DNAH10: variants seen among roughly 807,000 people sequenced by gnomAD.
The protein encoded by DNAH10 is dynein axonemal heavy chain 10.
A neutral mutation model predicts 506.6 loss-of-function variants in DNAH10; 348 were observed. The ratio of observed to expected loss-of-function variants is 0.69; its 90% confidence interval spans 0.63 to 0.75. The LOEUF (loss-of-function observed/expected upper bound fraction) is 0.75, where lower values mean the gene tolerates loss of function less well. Ranked by LOEUF, DNAH10 falls within the 30% of genes least tolerant of loss-of-function variation. The pLI, the probability that DNAH10 is intolerant of heterozygous loss-of-function variation, is 0.00. For missense variants in DNAH10, 5,179 were observed against 5,787.1 expected (o/e 0.89, Z 3.41); for synonymous variants, 2,059 against 2,198.6 (o/e 0.94, Z 1.78).
chr12:123,863,389 A>C (rs1201234987), intron 39 of DNAH10, among the ~76,000 whole-genome samples: 2 of 152,282 alleles, frequency 1.3e-5, no homozygotes, highest in Middle Eastern at 3.4e-3. Flanking sequence ...AGCAAATTAC[A>C]TGGTGGTGTT....
intron 30 of DNAH10, among the ~76,000 whole-genome samples, chr12:123,843,199 G>T (rs1051151601): frequency 3.7e-4 from 57 of 152,304 alleles, no homozygotes; most frequent in African/African-American, 1.3e-3. Flanking sequence ...ACGTGAACTT[G>T]TTGCTTCCAA....
intron 76 of DNAH10, among the ~76,000 whole-genome samples, chr12:123,933,036 CT>C (rs1955293103): frequency 6.6e-6 from 1 of 152,172 alleles, no homozygotes. Context: ...ACCTACAAGG[CT>C]TTTCTTTTTT....
intron 1 of DNAH10, among the ~76,000 whole-genome samples, chr12:123,765,925 A>G (rs1425751243): frequency 2.6e-5 from 4 of 151,434 alleles, no homozygotes; most frequent in African/African-American, 9.7e-5. Flanking sequence ...TCTATTATCT[A>G]CGTGCCAACT....
At chr12:123,795,894 A>G (rs1033004482) in intron 12 of DNAH10, among the ~76,000 whole-genome samples, 2 of 152,214 alleles carry the variant, frequency 1.3e-5, no homozygotes, top group African/African-American at 4.8e-5. Context: ...AACACAAAGG[A>G]TAAGTGCTTG....
intron 18 of DNAH10, among the ~76,000 whole-genome samples, chr12:123,808,506 T>A (rs529493732): frequency 6.6e-6 from 1 of 152,276 alleles, no homozygotes; most frequent in South Asian, 2.1e-4. Flanking sequence ...GGGATGTGAG[T>A]GCTCCTTTTT....
chr12:123,880,475 G>T (rs544347546), intron 50 of DNAH10, among the ~76,000 whole-genome samples: 1 of 152,154 alleles, frequency 6.6e-6, no homozygotes, highest in South Asian at 2.1e-4. Flanking sequence ...GAGTAGCCGG[G>T]ACTATGGGCA....
chr12:123,852,616 A>T (rs184230031), intron 35 of DNAH10, among the ~76,000 whole-genome samples: 1 of 149,680 alleles, frequency 6.7e-6, no homozygotes, highest in African/African-American at 2.5e-5. Context: ...TCTGTCACCC[A>T]GGTTGGAGTG....
chr12:123,847,877 A>G (rs1424691752), intron 32 of DNAH10, 84 bp from the exon 33 acceptor site: 6 of 1,513,836 alleles, frequency 4.0e-6, no homozygotes, highest in Non-Finnish European at 3.6e-6. Context: ...TTCTGCACCT[A>G]TAGTCACAGT....
chr12:123,834,383 T>G (rs7964053), intron 27 of DNAH10, among the ~76,000 whole-genome samples: 6,874 of 152,150 alleles, frequency 0.045, 189 homozygotes, highest in Middle Eastern at 0.082. Context: ...AGTTTTTGTA[T>G]TTTTAGTAGA....
intron 36 of DNAH10, among the ~76,000 whole-genome samples, chr12:123,855,259 G>A (rs12099625): frequency 0.016 from 2,472 of 152,226 alleles, 63 homozygotes; most frequent in African/African-American, 0.056. Context: ...AGGACTACCT[G>A]TCCTAGGAGA....
At chr12:123,766,965 G>C (rs1957070767) in intron 1 of DNAH10, among the ~76,000 whole-genome samples, 3 of 150,546 alleles carry the variant, frequency 2.0e-5, no homozygotes, top group African/African-American at 4.9e-5. Flanking sequence ...GAGTGCAGTG[G>C]TGTGATCTCG....
chr12:123,818,768 C>T (rs1239070223), intron 21 of DNAH10, among the ~76,000 whole-genome samples, 182 bp from the exon 22 acceptor site: 1 of 152,186 alleles, frequency 6.6e-6, no homozygotes, highest in Non-Finnish European at 1.5e-5. Context: ...AGCCATGAGC[C>T]ATGTAATCCC....
At chr12:123,865,654 AT>A (rs1195167568) in intron 40 of DNAH10, among the ~76,000 whole-genome samples, 1 of 152,152 alleles carries the variant, frequency 6.6e-6, no homozygotes, top group Non-Finnish European at 1.5e-5. Context: ...GGGTGGTGGG[AT>A]TTGGATAACT....
Position 123,928,583 on chromosome 12 carries a change from T to C in DNAH10, c.12302T>C (p.Leu4101Pro), listed in dbSNP as rs763814789. ...GFPIGILQKS[L>P]KVVTEPPNGL... Reference sequence around the variant, plus strand: ...CCCATTGGGATTCTGCAGAAGTCCCTAAAGGTCTGGCTTCAGGATGGACAT... The same window carrying C: ...CCCATTGGGATTCTGCAGAAGTCCCCAAAGGTCTGGCTTCAGGATGGACAT... Residue 4101 changes from leucine (L) to proline (P), a missense_variant, in exon 70 of 79, where the codon CTA (leucine) becomes CCA (proline). This residue lies in a region of DNAH10 where 4,844 missense variants were observed against 5,430.5 expected (regional missense o/e 0.89). Transcript: ENST00000673944. The surrounding 1 kb of genome is among the most constrained non-coding windows in gnomAD (Gnocchi z 4.9). 3 of 1,597,424 alleles carry C rather than the reference T, an allele frequency of 1.9e-6. No individual in the cohort carries two copies. Among genetic ancestry groups the C allele is most frequent in the Non-Finnish European group, 2.6e-6 (3 of 1,172,014 alleles).
intron 56 of DNAH10, 145 bp downstream of exon 56, chr12:123,898,959 G>T (rs765941565): frequency 7.9e-7 from 1 of 1,270,710 alleles, no homozygotes; most frequent in Non-Finnish European, 1.0e-6. Flanking sequence ...GGCACTGAGC[G>T]TGCCATCTTT....
chr12:123,827,401 A>G (rs1464853415), intron 25 of DNAH10, among the ~76,000 whole-genome samples: 1 of 152,248 alleles, frequency 6.6e-6, no homozygotes, highest in Non-Finnish European at 1.5e-5. Flanking sequence ...GTCAAAGTGC[A>G]ATGTGTATTT....
intron 29 of DNAH10, among the ~76,000 whole-genome samples, chr12:123,839,032 T>G (rs1594158115): frequency 1.3e-5 from 2 of 152,130 alleles, no homozygotes; most frequent in East Asian, 3.9e-4. Flanking sequence ...TGGGCTGGTC[T>G]CTAACTCCTG....
Position 123,804,914 on chromosome 12 carries a change from G to A in DNAH10, c.2861G>A (p.Gly954Glu). 6.2e-7 allele frequency: 1 copy of A among 1,614,004 alleles called. No individual in the cohort carries two copies. The highest frequency in any genetic ancestry group is 8.5e-7 in the Non-Finnish European group (1 of 1,180,044). ...ATGGTCCGGTGGTATCTTGCCATTG[G>A]ACCACTGCTGACCAAAGTTGAGGGC... ...DHMVRWYLAI[G>E]PLLTKVEGLV... is the part of the protein sequence containing the mutation. Residue 954 changes from glycine (G) to glutamate (E), a missense_variant, in exon 18 of 79, where the codon GGA (glycine) becomes GAA (glutamate). By Grantham distance (98) the Gly-to-Glu change is moderately conservative. Around this residue, in one of 3 missense-constraint regions of DNAH10, gnomAD observed 4,844 missense variants for 5,430.5 expected, o/e 0.89. Transcript: ENST00000673944.
At chr12:123,790,247 A>G in intron 11 of DNAH10, 126 bp downstream of exon 11, 1 of 973,740 alleles carries the variant, frequency 1.0e-6, no homozygotes, top group Non-Finnish European at 1.5e-6. Flanking sequence ...CTGCTTATTA[A>G]TTATAAAAAA....
Sources: allele counts gnomAD v4.1 joint callset (sites outside exome capture counted in the v4.1 genomes callset), GRCh38; gene constraint gnomAD v4.1.1; regional missense constraint gnomAD v4.1.1; non-coding constraint Gnocchi (gnomAD v3.1); transcripts MANE v1.5; gene names NCBI Gene and HGNC (gene_info 2026-07-23, HGNC 2026-07-21).